TMEM26: variants seen among roughly 807,000 people sequenced by gnomAD.
The protein encoded by TMEM26 is transmembrane protein 26.
A neutral mutation model predicts 28.8 loss-of-function variants in TMEM26; 38 were observed. The observed-to-expected ratio is 1.32, with a 90% CI of 1.02 to 1.73. The LOEUF (loss-of-function observed/expected upper bound fraction) is 1.73. Ranked by LOEUF, TMEM26 falls within the 40% of genes most tolerant of loss-of-function variation. The pLI is 0.00. For synonymous variants in TMEM26, 227 were observed against 182.9 expected (o/e 1.24, Z -1.95); for missense variants, 518 against 447.1 (o/e 1.16, Z -1.43).
chr10:61,441,073 AT>A (rs1448811525), intron 1 of TMEM26, among the ~76,000 whole-genome samples: 5 of 151,954 alleles, frequency 3.3e-5, no homozygotes, highest in Non-Finnish European at 5.9e-5. Context: ...ACATTGTTGT[AT>A]TTTATTGTGT....
At chr10:61,448,867 C>CT (rs1589047428) in intron 1 of TMEM26, among the ~76,000 whole-genome samples, 1 of 152,114 alleles carries the variant, frequency 6.6e-6, no homozygotes, top group Non-Finnish European at 1.5e-5. Context: ...TAAGTTCAAC[C>CT]TAGCTTTCTA....
At position 61,410,299 on chromosome 10, in the gene TMEM26, C is replaced by A. The variant is rs188424968; in HGVS notation, c.*23G>T. The A allele has an allele frequency of 6.0e-3, 9,530 of 1,582,904 alleles. 41 individuals carry two copies. The highest frequency in any genetic ancestry group is 7.6e-3 in the Non-Finnish European group (8,800 of 1,162,166). The stretch of plus-strand genomic sequence containing the variant: ...AAGAACCAGGGAGTCAGGTTCTAGC[C>A]GCAGACCACTGTCAATCAATAACTA... On this transcript the variant is annotated 3_prime_UTR_variant, in exon 6 of 6. Coordinates refer to ENST00000399298, the MANE Select transcript of TMEM26 (RefSeq NM_178505.8).
chr10:61,448,313 G>T (rs1589047093), intron 1 of TMEM26, among the ~76,000 whole-genome samples: 1 of 152,224 alleles, frequency 6.6e-6, no homozygotes, highest in Non-Finnish European at 1.5e-5. Context: ...AACTGCTGGA[G>T]TGAGTAAGAT....
At chr10:61,446,095 G>A (rs1564484241) in intron 1 of TMEM26, among the ~76,000 whole-genome samples, 1 of 152,128 alleles carries the variant, frequency 6.6e-6, no homozygotes, top group African/African-American at 2.4e-5. Context: ...TCATTCAGAG[G>A]TTCCATTTCT....
intron 4 of TMEM26, 142 bp from the exon 5 acceptor site, chr10:61,413,677 A>C: frequency 2.2e-6 from 3 of 1,341,890 alleles, no homozygotes; most frequent in Middle Eastern, 5.1e-4. Flanking sequence ...TCAATGAAAA[A>C]AATCCTTACA....
Position 61,409,982 on chromosome 10 carries a change from A to G in TMEM26, c.*340T>C. ...CAAAGTTCAAAGCTTCTCTATTTCCAGGTAACAGCCGCGACAGTTGGTCTG... is the reference window on the plus strand; with the variant it reads ...CAAAGTTCAAAGCTTCTCTATTTCCGGGTAACAGCCGCGACAGTTGGTCTG... On this transcript the variant is annotated 3_prime_UTR_variant, in exon 6 of 6. Coordinates refer to ENST00000399298, the MANE Select transcript of TMEM26 (RefSeq NM_178505.8). 4.1e-6 allele frequency: 1 copy of G among 241,434 alleles called. No homozygotes were observed. The highest frequency in any genetic ancestry group is 8.6e-5 in the South Asian group (1 of 11,618). The allele number at this position is 241,434 out of a possible 1,614,324, so 15.0% of individuals were successfully genotyped here.
intron 1 of TMEM26, among the ~76,000 whole-genome samples, chr10:61,446,817 C>CAAAAAAAAAAAAAA (rs34030340): frequency 2.1e-4 from 7 of 33,942 alleles, no homozygotes; most frequent in Middle Eastern, 0.045. Flanking sequence ...GACTCCATCT[C>CAAAAAAAAAAAAAA]AAAAAAAAAA....
chr10:61,407,062 C>G lies in TMEM26; in HGVS notation c.*3260G>C, dbSNP rs1839506269. 6.6e-6 allele frequency: 1 copy of G among 152,006 alleles called. No individual in the cohort carries two copies. The highest frequency in any genetic ancestry group is 1.5e-5 in the Non-Finnish European group (1 of 67,984). The allele number at this position is 152,006 out of a possible 1,614,324, so 9.4% of individuals were successfully genotyped here. On this transcript the variant is annotated 3_prime_UTR_variant, in exon 6 of 6. Transcript: ENST00000399298. ...ATACGTCACCATCCCTCTTTCTTAG[C>G]ATTGGAGGAGGGCTAAAGTGGACAG...
At chr10:61,446,854 T>TAAAAAAAAAAAA (rs1840191839) in intron 1 of TMEM26, among the ~76,000 whole-genome samples, 14 of 78,362 alleles carry the variant, frequency 1.8e-4, no homozygotes, top group East Asian at 7.0e-4. Context: ...AAAAAAAAAT[T>TAAAAAAAAAAAA]AAAAATGCTT....
chr10:61,434,352 G>A (rs931579383), intron 2 of TMEM26, among the ~76,000 whole-genome samples: 3 of 152,064 alleles, frequency 2.0e-5, no homozygotes, highest in Non-Finnish European at 4.4e-5. Context: ...TTGGTTGCAC[G>A]TTATTTGTTG....
rs188683701 is a variant in TMEM26 at position 61,429,084 on chromosome 10, A to C, written c.447T>G (p.His149Gln). 1.2e-6 allele frequency: 2 copies of C among 1,613,352 alleles called. No homozygotes were observed. The highest frequency in any genetic ancestry group is 3.3e-5 in the Admixed American group (2 of 59,950). Residue 149 changes from histidine (H) to glutamine (Q), a missense_variant, in exon 4 of 6, where the codon CAT (histidine) becomes CAG (glutamine). Coordinates refer to ENST00000399298, the MANE Select transcript of TMEM26 (RefSeq NM_178505.8). ...TTATTAGCATTAACAGGAATGTCTGATGGAGTCCCAATGTCCAAACTTTCT... is the reference window on the plus strand; with the variant it reads ...TTATTAGCATTAACAGGAATGTCTGCTGGAGTCCCAATGTCCAAACTTTCT... The part of the protein sequence containing the change: ...VCEKVWTLGL[H>Q]QTFLLMLIIG...
rs186451040 is a variant in TMEM26 at position 61,413,339 on chromosome 10, C to T, written c.682+120G>A. 47 of 1,457,520 alleles carry T rather than the reference C, an allele frequency of 3.2e-5. No homozygotes were observed. The African/African-American group carries it at 4.7e-4, about 15-fold the overall frequency. The allele number at this position is 1,457,520 out of a possible 1,614,324, so 90.3% of individuals were successfully genotyped here. Reference sequence around the variant, plus strand: ...CAATCTACTTTCCTTCTAAGCTGAACTAGAACTAATATTGGGATACAGACA... The same window carrying T: ...CAATCTACTTTCCTTCTAAGCTGAATTAGAACTAATATTGGGATACAGACA... On this transcript the variant is annotated intron_variant, in intron 5 of 5. Coordinates refer to ENST00000399298, the MANE Select transcript of TMEM26 (RefSeq NM_178505.8).
rs1840323313 is a variant in TMEM26 at position 61,453,187 on chromosome 10, T to C, written c.-106A>G. On this transcript the variant is annotated 5_prime_UTR_variant, in exon 1 of 6. Transcript: ENST00000399298. The stretch of plus-strand genomic sequence containing the variant: ...CAGGAATATGACAAGCACTGAGACC[T>C]GCTGCTGCTTGTGGTCCCTTCTCAC... 2.5e-6 allele frequency: 3 copies of C among 1,190,532 alleles called. No homozygotes were observed. The highest frequency in any genetic ancestry group is 3.0e-5 in the African/African-American group (2 of 66,144). The allele number at this position is 1,190,532 out of a possible 1,614,324, so 73.7% of individuals were successfully genotyped here.
chr10:61,452,114 CA>C (rs1252617808), intron 1 of TMEM26, among the ~76,000 whole-genome samples: 2 of 152,160 alleles, frequency 1.3e-5, no homozygotes, highest in African/African-American at 4.8e-5. Context: ...GGCTCTTCGT[CA>C]ATGGCAAGAG....
At chr10:61,421,602 C>T (rs974926011) in intron 4 of TMEM26, among the ~76,000 whole-genome samples, 5 of 151,900 alleles carry the variant, frequency 3.3e-5, no homozygotes, top group Non-Finnish European at 5.9e-5. Context: ...GGGGTGAATG[C>T]CATGTGAAGA....
chr10:61,408,682 T>G lies in TMEM26; in HGVS notation c.*1640A>C, dbSNP rs979493857. On this transcript the variant is annotated 3_prime_UTR_variant, in exon 6 of 6. Coordinates refer to ENST00000399298, the MANE Select transcript of TMEM26 (RefSeq NM_178505.8). ...TTTACTTCATATAAATATAATTTCT[T>G]GATCTTAACTTTCATAAAATTATTA... 6.6e-6 allele frequency: 1 copy of G among 152,218 alleles called. No individual in the cohort carries two copies. Among genetic ancestry groups the G allele is most frequent in the African/African-American group, 2.4e-5 (1 of 41,450 alleles). 9.4% of individuals were successfully genotyped at this position (152,218 alleles called of 1,614,324 possible).
chr10:61,409,911 A>G lies in TMEM26; in HGVS notation c.*411T>C, dbSNP rs1220748111. ...CTGAATGTACATTTTTTGATGTCAG[A>G]GGAACATTGCAGAAAAGATCAGACG... is the stretch of plus-strand genomic sequence containing the variant. On this transcript the variant is annotated 3_prime_UTR_variant, in exon 6 of 6. Transcript: ENST00000399298. 1 of 176,354 alleles carries G rather than the reference A, an allele frequency of 5.7e-6. No individual in the cohort carries two copies. The highest frequency in any genetic ancestry group is 1.6e-4 in the East Asian group (1 of 6,306). The allele number at this position is 176,354 out of a possible 1,614,324, so 10.9% of individuals were successfully genotyped here. A position where few individuals can be genotyped will look rare whatever the true frequency, so the allele number is the denominator to read the frequency against.
intron 5 of TMEM26, 62 bp from the exon 6 acceptor site, chr10:61,410,808 C>A: frequency 6.6e-7 from 1 of 1,513,904 alleles, no homozygotes; most frequent in Non-Finnish European, 9.0e-7. Context: ...TAAGACAATG[C>A]CATGGGGACG....
chr10:61,413,033 A>ATTTG, intron 5 of TMEM26: 1 of 1,151,844 alleles, frequency 8.7e-7, no homozygotes, highest in Non-Finnish European at 1.1e-6. Context: ...CTTACAAATA[A>ATTTG]TAAGAAATAA....
Sources: allele counts gnomAD v4.1 joint callset (sites outside exome capture counted in the v4.1 genomes callset), GRCh38; gene constraint gnomAD v4.1.1; transcripts MANE v1.5; gene names NCBI Gene and HGNC (gene_info 2026-07-23, HGNC 2026-07-21).